IQSEC1: variants seen among roughly 807,000 people sequenced by gnomAD.
The protein encoded by IQSEC1 is IQ motif and Sec7 domain ArfGEF 1, also known as IQ motif and SEC7 domain-containing protein 1.
In IQSEC1, 31 loss-of-function variants were observed where a neutral mutation model predicts 91.0. The observed-to-expected ratio is 0.34, with a 90% CI of 0.26 to 0.46. IQSEC1 has a LOEUF of 0.46. IQSEC1 is among the 20% of genes least tolerant of loss of function. The probability of loss-of-function intolerance (pLI) is 1.00; values close to 1 mark genes in which losing one functional copy is unlikely to be tolerated. For synonymous variants in IQSEC1, 699 were observed against 662.6 expected (o/e 1.05, Z -0.84); for missense variants, 1,388 against 1,575.6 (o/e 0.88, Z 2.02).
At chr3:13,144,897 C>A (rs1023760490) in intron 2 of IQSEC1, among the ~76,000 whole-genome samples, 3 of 152,192 alleles carry the variant, frequency 2.0e-5, no homozygotes, top group Admixed American at 6.5e-5. Flanking sequence ...CTTTTGATGG[C>A]GAGAGACTCT....
intron 1 of IQSEC1, among the ~76,000 whole-genome samples, chr3:13,004,800 A>C (rs1387095708): frequency 6.6e-6 from 1 of 152,114 alleles, no homozygotes; most frequent in Non-Finnish European, 1.5e-5. Context: ...CCAAAAACCC[A>C]GCATCGGGCC....
intron 1 of IQSEC1, among the ~76,000 whole-genome samples, chr3:13,023,430 C>T (rs1314310562): frequency 6.6e-6 from 1 of 152,166 alleles, no homozygotes; most frequent in Non-Finnish European, 1.5e-5. Context: ...CTTTTCCCCA[C>T]CTACAGCCCC....
intron 8 of IQSEC1, 67 bp downstream of exon 8, chr3:12,915,037 C>A: frequency 6.6e-7 from 1 of 1,520,838 alleles, no homozygotes; most frequent in Non-Finnish European, 9.0e-7. Context: ...AGCCGGCGGA[C>A]TGGCTGATGC....
At chr3:13,121,368 G>C (rs892652874) in intron 2 of IQSEC1, among the ~76,000 whole-genome samples, 5 of 152,306 alleles carry the variant, frequency 3.3e-5, no homozygotes, top group African/African-American at 1.2e-4. Context: ...TTTCCCAAGT[G>C]AGGAACCCAC....
chr3:13,096,594 T>C (rs1432750967), intron 2 of IQSEC1, among the ~76,000 whole-genome samples: 4 of 152,180 alleles, frequency 2.6e-5, no homozygotes, highest in Admixed American at 2.0e-4. Flanking sequence ...CGCTGTGGCC[T>C]GGGGTTTATG....
intron 1 of IQSEC1, among the ~76,000 whole-genome samples, chr3:13,041,963 C>G (rs565069810): frequency 6.6e-6 from 1 of 152,232 alleles, no homozygotes; most frequent in Non-Finnish European, 1.5e-5. Flanking sequence ...AAGAGCAGGC[C>G]GGGGACCCCG....
At chr3:13,151,694 A>G (rs1456691445) in intron 2 of IQSEC1, among the ~76,000 whole-genome samples, 2 of 152,200 alleles carry the variant, frequency 1.3e-5, no homozygotes, top group African/African-American at 4.8e-5. Flanking sequence ...AGCCGGACAC[A>G]GTGGCTCATG....
rs1693810642 is a variant in IQSEC1 at position 12,897,918 on chromosome 3, ATT to A, written c.*3063_*3064del. 1 of 152,364 alleles carries A rather than the reference ATT, an allele frequency of 6.6e-6. No individual in the cohort carries two copies. The highest frequency in any genetic ancestry group is 1.9e-4 in the East Asian group (1 of 5,196). The allele number at this position is 152,364 out of a possible 1,614,324, so 9.4% of individuals were successfully genotyped here. On this transcript the variant is annotated 3_prime_UTR_variant, in exon 14 of 14. Transcript: ENST00000613206. ...AACTTTATTTTTACATTGTTGTACA[ATT>A]CATTGGTAAACTTAAAAAAATACAA...
intron 2 of IQSEC1, among the ~76,000 whole-genome samples, chr3:13,157,221 T>C (rs1298649967): frequency 2.6e-5 from 4 of 152,352 alleles, no homozygotes; most frequent in African/African-American, 9.6e-5. Flanking sequence ...TTTAGTCTAA[T>C]TCCCCATTAG....
At chr3:13,025,124 G>A (rs925204363) in intron 1 of IQSEC1, among the ~76,000 whole-genome samples, 8 of 152,208 alleles carry the variant, frequency 5.3e-5, no homozygotes. Context: ...GGCACTGCCG[G>A]GCACGTGTTA....
chr3:13,006,973 G>A (rs1008885932), intron 1 of IQSEC1, among the ~76,000 whole-genome samples: 2 of 152,212 alleles, frequency 1.3e-5, no homozygotes, highest in South Asian at 4.1e-4. Context: ...TGCTACCGGC[G>A]GGTATCTCTC....
At chr3:13,112,313 C>T (rs985903296) in intron 2 of IQSEC1, among the ~76,000 whole-genome samples, 3 of 152,236 alleles carry the variant, frequency 2.0e-5, no homozygotes, top group Non-Finnish European at 2.9e-5. Flanking sequence ...CACTAGCCAG[C>T]CCAGCCAAAC....
At chr3:13,111,655 G>T (rs1235070939) in intron 2 of IQSEC1, among the ~76,000 whole-genome samples, 1 of 152,118 alleles carries the variant, frequency 6.6e-6, no homozygotes, top group Non-Finnish European at 1.5e-5. Flanking sequence ...AGGTGATTAC[G>T]CTGAGATGAG....
chr3:13,147,025 G>C (rs1399972027), intron 2 of IQSEC1, among the ~76,000 whole-genome samples: 2 of 152,144 alleles, frequency 1.3e-5, no homozygotes, highest in Non-Finnish European at 2.9e-5. Context: ...AAAGCAAAGA[G>C]AACCTCAATT....
intron 1 of IQSEC1, among the ~76,000 whole-genome samples, chr3:13,221,643 G>T (rs1694662517): frequency 6.6e-6 from 1 of 152,208 alleles, no homozygotes; most frequent in Non-Finnish European, 1.5e-5. Context: ...ACAGACGCCT[G>T]GAGCCCACGG....
rs752748295 is a variant in IQSEC1, at chr3:12,992,224, C to A, written c.24-50359G>T. ...CCTGCCTCTCTCTGGCCTCAGTTCT[C>A]CATCTCTAACACAGTAGGGTGGCTC... On this transcript the variant is annotated intron_variant, in intron 1 of 13. Transcript: ENST00000613206. This position sits in a 1 kb window ranked among gnomAD's most constrained non-coding sequence, Gnocchi z 4.1. Among the ~76,000 whole-genome samples the A allele has an allele frequency of 2.0e-5, 3 of 152,070 alleles. No homozygotes were observed. Among genetic ancestry groups the A allele is most frequent in the Non-Finnish European group, 4.4e-5 (3 of 68,018 alleles).
At chr3:13,198,348 G>T (rs1211486520) in intron 1 of IQSEC1, among the ~76,000 whole-genome samples, 2 of 152,044 alleles carry the variant, frequency 1.3e-5, no homozygotes, top group Non-Finnish European at 2.9e-5. Flanking sequence ...GCTTGGGATG[G>T]CCGTGGGCTG....
At chr3:12,948,933 T>C (rs1172722787) in intron 1 of IQSEC1, among the ~76,000 whole-genome samples, 1 of 152,210 alleles carries the variant, frequency 6.6e-6, no homozygotes, top group Non-Finnish European at 1.5e-5. Context: ...CACATATACA[T>C]ACGCAAACAC....
At chr3:13,255,248 C>T (rs907634559) in intron 1 of IQSEC1, among the ~76,000 whole-genome samples, 1 of 152,156 alleles carries the variant, frequency 6.6e-6, no homozygotes, top group African/African-American at 2.4e-5. Flanking sequence ...AGAGGCAGAC[C>T]GGACACTGGG....
Sources: gnomAD v4.1 joint callset for allele counts (sites outside exome capture counted in the v4.1 genomes callset) on GRCh38, gnomAD v4.1.1 for gene constraint, Gnocchi (gnomAD v3.1) non-coding constraint, MANE v1.5 for transcripts, NCBI Gene and HGNC (gene_info 2026-07-23, HGNC 2026-07-21) for gene names.